Variants in EVI5 observed in about 807,000 individuals in gnomAD.
EVI5 encodes the protein ecotropic viral integration site 5.
Under a neutral mutation model 112.0 loss-of-function variants are expected in EVI5, and 73 were observed. The ratio of observed to expected loss-of-function variants is 0.65; its 90% confidence interval spans 0.54 to 0.79. The LOEUF is 0.79. Ranked by LOEUF, EVI5 falls within the 30% of genes least tolerant of loss-of-function variation. The pLI is 0.00. For missense variants in EVI5, 900 were observed against 968.8 expected, an observed-to-expected ratio of 0.93 and a Z score of 0.94; for synonymous variants, 305 against 319.9, an observed-to-expected ratio of 0.95 and a Z score of 0.50.
chr1:92,743,775 C>T (rs150036788), intron 1 of EVI5, among the ~76,000 whole-genome samples: 1,530 of 152,052 alleles, frequency 0.01, 32 homozygotes, highest in African/African-American at 0.034. Flanking sequence ...GCTAGAGGTC[C>T]GTCACTTTCA....
rs180791579 is a variant in EVI5 at position 92,578,043 on chromosome 1, C to G, written c.2071-14306G>C. Among the ~76,000 whole-genome samples the G allele has an allele frequency of 5.3e-5, 8 of 152,276 alleles. No individual in the cohort carries two copies. The East Asian group carries it at 1.5e-3, about 29-fold the overall frequency. ...ATATTTCATTTACTAGTGATAAACA[C>G]TGTCATGCTAGATTAAGTTAAGATT... On this transcript the variant is annotated intron_variant, in intron 18 of 19. Transcript: ENST00000684568.
chr1:92,715,200 G>A (rs1279890007), intron 2 of EVI5, among the ~76,000 whole-genome samples: 3 of 151,924 alleles, frequency 2.0e-5, no homozygotes, highest in Non-Finnish European at 4.4e-5. Context: ...TAGAGACAGG[G>A]TTTCACCATA....
At chr1:92,584,863 T>C (rs1321295594) in intron 18 of EVI5, among the ~76,000 whole-genome samples, 2 of 152,176 alleles carry the variant, frequency 1.3e-5, no homozygotes, top group African/African-American at 4.8e-5. Flanking sequence ...GTATTAAGAC[T>C]GATTTAATTC....
At chr1:92,580,830 C>G (rs577770905) in intron 18 of EVI5, 1 of 153,144 alleles carries the variant, frequency 6.5e-6, no homozygotes. Flanking sequence ...GGACACAGCA[C>G]TCTGTGGGTG....
chr1:92,516,866 C>G (rs1417976941), intron 19 of EVI5, among the ~76,000 whole-genome samples: 1 of 138,364 alleles, frequency 7.2e-6, no homozygotes, highest in Non-Finnish European at 1.5e-5. Context: ...ATCAACCTTT[C>G]CAACTCTCCC....
At position 92,513,543 on chromosome 1, in the gene EVI5, A is replaced by T; in HGVS notation, c.*113T>A. ...TATATATATATATATATATATATAT[A>T]TATATATATATATATATATATATGT... On this transcript the variant is annotated 3_prime_UTR_variant, in exon 20 of 20. Coordinates refer to ENST00000684568, the MANE Select transcript of EVI5 (RefSeq NM_001350197.2). 5.5e-5 allele frequency: 1 copy of T among 18,154 alleles called. No homozygotes were observed. 1.1% of individuals were successfully genotyped at this position (18,154 alleles called of 1,614,324 possible).
intron 5 of EVI5, among the ~76,000 whole-genome samples, chr1:92,699,024 T>C (rs1413824382): frequency 2.0e-5 from 3 of 152,170 alleles, no homozygotes; most frequent in Non-Finnish European, 4.4e-5. Context: ...CCAGTGTGTT[T>C]CAAAAGAGAA....
At chr1:92,689,983 G>C (rs1477754007) in intron 9 of EVI5, among the ~76,000 whole-genome samples, 1 of 152,098 alleles carries the variant, frequency 6.6e-6, no homozygotes, top group Non-Finnish European at 1.5e-5. Flanking sequence ...TCCAACTCCA[G>C]ACTCAAGCAA....
At chr1:92,714,002 T>C in intron 2 of EVI5, 1 of 982,166 alleles carries the variant, frequency 1.0e-6, no homozygotes, top group Non-Finnish European at 1.2e-6. Context: ...CTTACCTCCA[T>C]AAATTCATCT....
intron 19 of EVI5, among the ~76,000 whole-genome samples, chr1:92,532,574 TAACA>T (rs1460455329): frequency 4.6e-5 from 7 of 152,144 alleles, no homozygotes; most frequent in Non-Finnish European, 1.0e-4. Context: ...ACGGAAATCA[TAACA>T]AACAGTCTCT....
chr1:92,694,031 G>T (rs1459499129), intron 8 of EVI5, 132 bp from the exon 9 acceptor site: 2 of 678,844 alleles, frequency 2.9e-6, no homozygotes, highest in African/African-American at 3.6e-5. Context: ...GGAGGCCAAG[G>T]CAGGCGGATC....
At chr1:92,654,159 T>C (rs148341108) in intron 13 of EVI5, among the ~76,000 whole-genome samples, 1 of 152,038 alleles carries the variant, frequency 6.6e-6, no homozygotes, top group African/African-American at 2.4e-5. Context: ...GCCCAGCCCA[T>C]TGCCTGAAGC....
intron 1 of EVI5, among the ~76,000 whole-genome samples, chr1:92,748,570 A>T (rs1679675835): frequency 6.6e-6 from 1 of 152,240 alleles, no homozygotes; most frequent in African/African-American, 2.4e-5. Context: ...GAACAATATC[A>T]CATTATCCCA....
At chr1:92,661,020 C>A (rs987898363) in intron 13 of EVI5, among the ~76,000 whole-genome samples, 8 of 151,036 alleles carry the variant, frequency 5.3e-5, no homozygotes, top group Non-Finnish European at 1.0e-4. Flanking sequence ...TGGGAAAAAA[C>A]ACACACACAC....
chr1:92,785,270 T>G (rs1685494914), upstream of EVI5, among the ~76,000 whole-genome samples: 2 of 152,210 alleles, frequency 1.3e-5, no homozygotes, highest in South Asian at 2.1e-4. Flanking sequence ...CCTCCGCCTC[T>G]CTTTCAAAGC....
intron 19 of EVI5, among the ~76,000 whole-genome samples, chr1:92,529,242 T>A (rs1023532182): frequency 6.6e-6 from 1 of 152,220 alleles, no homozygotes; most frequent in Non-Finnish European, 1.5e-5. Flanking sequence ...GGCTTTGTCT[T>A]ACTAGACACA....
intron 13 of EVI5, among the ~76,000 whole-genome samples, chr1:92,648,396 A>T (rs1050794666): frequency 2.0e-5 from 3 of 151,466 alleles, no homozygotes; most frequent in East Asian, 3.9e-4. Flanking sequence ...TAATAAAAAT[A>T]AAAAAATAAA....
chr1:92,538,525 C>T (rs1664257942), intron 19 of EVI5, among the ~76,000 whole-genome samples: 1 of 152,154 alleles, frequency 6.6e-6, no homozygotes, highest in Admixed American at 6.5e-5. Flanking sequence ...TTCAGTCCAT[C>T]AATCAATTAA....
intron 1 of EVI5, among the ~76,000 whole-genome samples, chr1:92,791,570 C>G (rs1271403625): frequency 6.6e-6 from 1 of 152,124 alleles, no homozygotes; most frequent in African/African-American, 2.4e-5. Context: ...ATTTTGACAC[C>G]TGCTAATAGT....
Sources: allele counts gnomAD v4.1 joint callset (sites outside exome capture counted in the v4.1 genomes callset), GRCh38; gene constraint gnomAD v4.1.1; transcripts MANE v1.5; gene names NCBI Gene and HGNC (gene_info 2026-07-23, HGNC 2026-07-21).